The following HERC1 variants were observed in gnomAD, a reference collection of about 807,000 sequenced individuals.
HERC1 encodes the protein probable E3 ubiquitin-protein ligase HERC1.
A neutral mutation model predicts 554.3 loss-of-function variants in HERC1; 160 were observed. That is an observed-to-expected ratio of 0.29 (90% CI 0.25 to 0.33). The LOEUF (loss-of-function observed/expected upper bound fraction) is 0.33. Ranked by LOEUF, HERC1 falls within the 10% of genes least tolerant of loss-of-function variation. HERC1 has a pLI of 1.00. For synonymous variants in HERC1, 2,175 were observed against 2,131.7 expected (o/e 1.02, Z -0.56); for missense variants, 4,919 against 5,918.5 (o/e 0.83, Z 5.54).
At position 63,680,693 on chromosome 15, in the gene HERC1, G is replaced by A. The variant is rs1483485813; in HGVS notation, c.6309C>T (p.Arg2103=). The change falls in exon 35 of 78, where the codon CGC becomes CGT. Residue 2103 remains arginine, a synonymous_variant. Coordinates refer to ENST00000443617, the MANE Select transcript of HERC1 (RefSeq NM_003922.4). The surrounding 1 kb of genome is among the most constrained non-coding windows in gnomAD (Gnocchi z 5.8). ...TATAGAGCCACATATCCGAGGTAGTGCGGTGATTAAAGTCATGTACTGGCC... is the reference window on the plus strand; with the variant it reads ...TATAGAGCCACATATCCGAGGTAGTACGGTGATTAAAGTCATGTACTGGCC... The part of the protein sequence containing the change: ...SRWPVHDFNH[R]TTSDMWLYRA... 1 of 1,613,690 alleles carries A rather than the reference G, an allele frequency of 6.2e-7. No homozygotes were observed. Among genetic ancestry groups the A allele is most frequent in the Admixed American group, 1.7e-5 (1 of 60,022 alleles).
rs200631595 is a variant in HERC1 at position 63,716,272 on chromosome 15, G to A, written c.4150+30C>T. 11 of 1,571,454 alleles carry A rather than the reference G, an allele frequency of 7.0e-6. No individual in the cohort carries two copies. In the South Asian group the frequency reaches 1.3e-4, roughly 18 times the overall value. ...CCTATCAAAAAGCATGCCACAGTTTGTATCTAGAAAGTAAGAAGGGTATAC... is the reference window on the plus strand; with the variant it reads ...CCTATCAAAAAGCATGCCACAGTTTATATCTAGAAAGTAAGAAGGGTATAC... On this transcript the variant is annotated intron_variant, in intron 22 of 77. Coordinates refer to ENST00000443617, the MANE Select transcript of HERC1 (RefSeq NM_003922.4).
chr15:63,813,311 G>GACACACACAC (rs10534978), intron 1 of HERC1, among the ~76,000 whole-genome samples: 39 of 139,598 alleles, frequency 2.8e-4, no homozygotes, highest in Middle Eastern at 7.1e-3. Flanking sequence ...ATCAGAGATG[G>GACACACACAC]ACACACACAC....
intron 48 of HERC1, among the ~76,000 whole-genome samples, chr15:63,658,015 A>T (rs1226151152): frequency 6.6e-6 from 1 of 152,216 alleles, no homozygotes; most frequent in Non-Finnish European, 1.5e-5. Flanking sequence ...TCCTTGAGCC[A>T]ATAGCACACA....
At chr15:63,670,119 T>A (rs1188762179) in intron 39 of HERC1, among the ~76,000 whole-genome samples, 1 of 152,216 alleles carries the variant, frequency 6.6e-6, no homozygotes, top group African/African-American at 2.4e-5. Context: ...TAGCTAGTCA[T>A]GAAATTATTC....
intron 2 of HERC1, among the ~76,000 whole-genome samples, chr15:63,764,397 A>T (rs558517787): frequency 6.6e-6 from 1 of 152,348 alleles, no homozygotes; most frequent in African/African-American, 2.4e-5. Flanking sequence ...TCACATGATA[A>T]ATTAAGTGCC....
intron 69 of HERC1, among the ~76,000 whole-genome samples, chr15:63,629,669 GCAACCA>G (rs145315975): frequency 0.032 from 4,943 of 152,278 alleles, 257 homozygotes; most frequent in African/African-American, 0.11. Context: ...CAGTAAGAGT[GCAACCA>G]CAATGACGAG....
chr15:63,833,749 G>GCACACACACACA (rs1206350552), intron 1 of HERC1, 78 bp downstream of exon 1: 2 of 28,460 alleles, frequency 7.0e-5, no homozygotes, highest in African/African-American at 2.6e-4. Context: ...ACACACGCGC[G>GCACACACACACA]CGCGCACACA....
At position 63,677,039 on chromosome 15, in the gene HERC1, T is replaced by C. The variant is rs1399924662; in HGVS notation, c.7070+806A>G. Among the ~76,000 whole-genome samples the C allele has an allele frequency of 6.6e-6, 1 of 152,148 alleles. No homozygotes were observed. Among genetic ancestry groups the C allele is most frequent in the African/African-American group, 2.4e-5 (1 of 41,460 alleles). On this transcript the variant is annotated intron_variant, in intron 37 of 77. Coordinates refer to ENST00000443617, the MANE Select transcript of HERC1 (RefSeq NM_003922.4). This position sits in a 1 kb window ranked among gnomAD's most constrained non-coding sequence, Gnocchi z 4.4. ...TTTCCCAAATTTTGGAATATTTACA[T>C]TGTACTTAGCAGGTGAGCATCCCAA...
chr15:63,646,813 A>AAAAC (rs555904683), intron 55 of HERC1, among the ~76,000 whole-genome samples: 3 of 116,366 alleles, frequency 2.6e-5, no homozygotes, highest in Admixed American at 8.7e-5. Context: ...ATCTCAGGAA[A>AAAAC]AAACAAACAA....
chr15:63,628,846 C>T, intron 69 of HERC1, 31 bp from the exon 70 acceptor site: 1 of 1,597,078 alleles, frequency 6.3e-7, no homozygotes, highest in South Asian at 1.1e-5. Flanking sequence ...TACAGACATT[C>T]AATTAGAAAG....
At chr15:63,684,470 T>G (rs1183819193) in intron 34 of HERC1, among the ~76,000 whole-genome samples, 1 of 152,210 alleles carries the variant, frequency 6.6e-6, no homozygotes, top group Non-Finnish European at 1.5e-5. Flanking sequence ...ATGCAAATGT[T>G]TTTGTGTGAA....
Position 63,609,183 on chromosome 15 carries a change from C to G in HERC1, c.14484G>C (p.Glu4828Asp). 6.2e-7 allele frequency: 1 copy of G among 1,613,796 alleles called. No homozygotes were observed. The highest frequency in any genetic ancestry group is 8.5e-7 in the Non-Finnish European group (1 of 1,179,824). Reference protein sequence around the residue: ...PPYSSQLVMAERLRYAINNCR... With the variant: ...PPYSSQLVMADRLRYAINNCR... ...AGTTGTTGATGGCATAGCGCAGGCG[C>G]TCGGCCATGACCAGCTGGCTGGAGT... The change falls in exon 78 of 78, where the codon GAG becomes GAC. Residue 4828 changes from glutamate to aspartate, a missense_variant. Glu to Asp is a conservative substitution (Grantham distance 45). Around this residue, in one of 11 missense-constraint regions of HERC1, gnomAD observed 71 missense variants for 101.4 expected, o/e 0.70. Coordinates refer to ENST00000443617, the MANE Select transcript of HERC1 (RefSeq NM_003922.4).
intron 1 of HERC1, chr15:63,779,455 C>T (rs529533610): frequency 6.6e-6 from 1 of 152,256 alleles, no homozygotes; most frequent in East Asian, 1.9e-4. Context: ...GCAAAAACTA[C>T]AGGAGATGCA....
intron 73 of HERC1, 49 bp from the exon 74 acceptor site, chr15:63,622,940 G>T: frequency 8.4e-7 from 1 of 1,185,300 alleles, no homozygotes; most frequent in Non-Finnish European, 1.2e-6. Context: ...TCAAATGCAT[G>T]AAGAGAACAA....
At chr15:63,615,948 A>T (rs780984939) in intron 75 of HERC1, 28 bp from the exon 76 acceptor site, 2 of 1,544,786 alleles carry the variant, frequency 1.3e-6, no homozygotes. Context: ...CAGAATTTTT[A>T]TTACATGGTA....
chr15:63,634,750 C>T lies in HERC1; in HGVS notation c.12553G>A (p.Gly4185Arg). ...KLPERVTALE[G>R]YQIGQVACGL... is the part of the protein sequence containing the mutation. ...TTCCATGCCTGTCCAATCTGATATC[C>T]CTCCAGTGCAGTCACTCTCTCTGGA... is the stretch of plus-strand genomic sequence containing the variant. Residue 4185 changes from glycine to arginine, a missense_variant, in exon 66 of 78, where the codon GGA (glycine) becomes AGA (arginine). By Grantham distance (125) the Gly-to-Arg change is moderately radical. Coordinates refer to ENST00000443617, the MANE Select transcript of HERC1 (RefSeq NM_003922.4). 6.2e-7 allele frequency: 1 copy of T among 1,612,538 alleles called. No individual in the cohort carries two copies. The highest frequency in any genetic ancestry group is 2.2e-5 in the East Asian group (1 of 44,848).
At chr15:63,684,021 C>G (rs988299748) in intron 34 of HERC1, among the ~76,000 whole-genome samples, 1 of 152,218 alleles carries the variant, frequency 6.6e-6, no homozygotes, top group Non-Finnish European at 1.5e-5. Flanking sequence ...ATTTGGAACA[C>G]TCCCCCTCTG....
At position 63,694,744 on chromosome 15, in the gene HERC1, A is replaced by G. The variant is rs777577314; in HGVS notation, c.5242+30T>C. ...AACCTCGGGCTAAAATGTAACCTGC[A>G]CTGTACATTTGCAGGAACCGTTTAC... On this transcript the variant is annotated intron_variant, in intron 28 of 77. Coordinates refer to ENST00000443617, the MANE Select transcript of HERC1 (RefSeq NM_003922.4). The surrounding 1 kb of genome is among the most constrained non-coding windows in gnomAD (Gnocchi z 4.3). 1.2e-6 allele frequency: 2 copies of G among 1,613,768 alleles called. No individual in the cohort carries two copies. Among genetic ancestry groups the G allele is most frequent in the African/African-American group, 1.3e-5 (1 of 74,934 alleles).
rs757806758 is a variant in HERC1 at position 63,756,549 on chromosome 15, G to A, written c.1421C>T (p.Thr474Met). Residue 474 changes from threonine to methionine, a missense_variant, in exon 5 of 78, where the codon ACG becomes ATG. Transcript: ENST00000443617. The surrounding 1 kb of genome is among the most constrained non-coding windows in gnomAD (Gnocchi z 5.0). Reference protein sequence around the residue: ...KGSDGHTLAFTTEGEVFSWGD... With the variant: ...KGSDGHTLAFMTEGEVFSWGD... ...CCAACTGAAGACTTCTCCTTCTGTC[G>A]TAAAGGCTAAAGTGTGACCATCAGA... is the stretch of plus-strand genomic sequence containing the variant. 14 of 1,613,562 alleles carry A rather than the reference G, an allele frequency of 8.7e-6. No homozygotes were observed. The highest frequency in any genetic ancestry group is 8.3e-5 in the Admixed American group (5 of 59,988).
Sources: allele counts gnomAD v4.1 joint callset (sites outside exome capture counted in the v4.1 genomes callset), GRCh38; gene constraint gnomAD v4.1.1; regional missense constraint gnomAD v4.1.1; non-coding constraint Gnocchi (gnomAD v3.1); transcripts MANE v1.5; gene names NCBI Gene and HGNC (gene_info 2026-07-23, HGNC 2026-07-21).